The following FBXO34 variants were observed in gnomAD, a reference collection of about 807,000 sequenced individuals.
FBXO34 encodes the protein F-box protein 34.
In FBXO34, 12 loss-of-function variants were observed where a neutral mutation model predicts 24.5. The ratio of observed to expected loss-of-function variants is 0.49; its 90% confidence interval spans 0.31 to 0.79. The LOEUF (loss-of-function observed/expected upper bound fraction) is 0.79. Among genes scored for constraint, FBXO34 ranks in the 30% least tolerant of loss-of-function variants. The pLI, the probability that FBXO34 is intolerant of heterozygous loss-of-function variation, is 0.04. For missense variants in FBXO34, 823 were observed against 857.7 expected, an observed-to-expected ratio of 0.96 and a Z score of 0.51; for synonymous variants, 320 against 311.9, an observed-to-expected ratio of 1.03 and a Z score of -0.27.
rs148947580 is a variant in FBXO34, at chr14:55,310,880, C to T, written c.-11+39343C>T. Among the ~76,000 whole-genome samples, 96 of 152,062 alleles carry T rather than the reference C, an allele frequency of 6.3e-4. 3 individuals carry two copies. In the East Asian group the frequency reaches 0.018, roughly 28 times the overall value. On this transcript the variant is annotated intron_variant, in intron 1 of 1. Coordinates refer to ENST00000313833, the MANE Select transcript of FBXO34 (RefSeq NM_017943.4). ...ATGTGATAGCGTTTTCTTATCTGAA[C>T]TGTTTTATAAACTCTGACCACACTA...
chr14:55,315,382 A>G (rs1382119633), intron 1 of FBXO34, among the ~76,000 whole-genome samples: 5 of 152,116 alleles, frequency 3.3e-5, no homozygotes, highest in Non-Finnish European at 5.9e-5. Context: ...TACTGGTTTT[A>G]TGTATACCTG....
In FBXO34 at chr14:55,328,271, T is replaced by C. The variant is rs557386882; in HGVS notation, c.-10-22110T>C. ...CCATACCTGGCCGATGTTTTTTGTT[T>C]ATAAAGTCGAGAACTTTGATCTTTT... On this transcript the variant is annotated intron_variant, in intron 1 of 1. Transcript: ENST00000313833. Among the ~76,000 whole-genome samples, 2 of 152,278 alleles carry C rather than the reference T, an allele frequency of 1.3e-5. 1 individual carries two copies. Among genetic ancestry groups the C allele is most frequent in the African/African-American group, 4.8e-5 (2 of 41,560 alleles).
chr14:55,276,467 TTAAC>T (rs780526497), intron 1 of FBXO34, among the ~76,000 whole-genome samples: 44 of 152,344 alleles, frequency 2.9e-4, no homozygotes, highest in Admixed American at 6.5e-5. Flanking sequence ...ATGCCTATTA[TTAAC>T]TATTTGTTTA....
At chr14:55,354,804 C>A (rs895047403), downstream of FBXO34, among the ~76,000 whole-genome samples, 4 of 152,094 alleles carry the variant, frequency 2.6e-5, no homozygotes, top group Admixed American at 1.3e-4. Flanking sequence ...TTCAGGGCCC[C>A]CTAGTGCCAA....
chr14:55,373,985 G>C (rs1396795190), downstream of FBXO34, among the ~76,000 whole-genome samples: 1 of 152,082 alleles, frequency 6.6e-6, no homozygotes, highest in African/African-American at 2.4e-5. Flanking sequence ...CATAAACTTA[G>C]ATGTGACTCA....
chr14:55,415,034 G>A, the FBXO34 span, among the ~76,000 whole-genome samples: 3 of 152,186 alleles, frequency 2.0e-5, no homozygotes, highest in Non-Finnish European at 4.4e-5. Flanking sequence ...GAATTACAGG[G>A]ATAAAAACAT....
At chr14:55,380,982 T>C in the FBXO34 span, among the ~76,000 whole-genome samples, 12 of 149,902 alleles carry the variant, frequency 8.0e-5, no homozygotes, top group African/African-American at 1.2e-4. Flanking sequence ...GATAACGTAA[T>C]ATCAAAACAA....
intron 1 of FBXO34, among the ~76,000 whole-genome samples, chr14:55,343,688 G>A (rs990292365): frequency 2.0e-5 from 3 of 152,188 alleles, no homozygotes; most frequent in Non-Finnish European, 4.4e-5. Context: ...TGATAAGCAA[G>A]GCTGAAGACT....
At chr14:55,399,673 T>C in the FBXO34 span, among the ~76,000 whole-genome samples, 1 of 152,250 alleles carries the variant, frequency 6.6e-6, no homozygotes, top group African/African-American at 2.4e-5. Flanking sequence ...TTTACTTTTA[T>C]ATCAGTGAGA....
downstream of FBXO34, among the ~76,000 whole-genome samples, chr14:55,362,481 A>C (rs1190796381): frequency 3.9e-5 from 6 of 152,220 alleles, no homozygotes; most frequent in East Asian, 1.2e-3. Flanking sequence ...TCAATTTGTA[A>C]AAAACCCACG....
chr14:55,382,027 G>C, the FBXO34 span: 4 of 1,614,170 alleles, frequency 2.5e-6, no homozygotes, highest in Non-Finnish European at 3.4e-6. Flanking sequence ...CCCATTGTTA[G>C]GGAGGCTAAT....
At chr14:55,415,775 A>G in the FBXO34 span, among the ~76,000 whole-genome samples, 1 of 152,152 alleles carries the variant, frequency 6.6e-6, no homozygotes, top group Non-Finnish European at 1.5e-5. Context: ...CTGAGGCAGG[A>G]GAATTGCTTG....
At chr14:55,401,887 G>A in the FBXO34 span, among the ~76,000 whole-genome samples, 2 of 152,196 alleles carry the variant, frequency 1.3e-5, no homozygotes, top group Non-Finnish European at 1.5e-5. Flanking sequence ...TATGGAGGCA[G>A]AGAAAATTCT....
chr14:55,343,101 T>G (rs1188131436), intron 1 of FBXO34, among the ~76,000 whole-genome samples: 2 of 152,226 alleles, frequency 1.3e-5, no homozygotes, highest in African/African-American at 4.8e-5. Context: ...TGAAGAAGGC[T>G]GTCATAAGAT....
intron 1 of FBXO34, among the ~76,000 whole-genome samples, chr14:55,338,672 G>A (rs1263312076): frequency 6.6e-6 from 1 of 152,042 alleles, no homozygotes; most frequent in African/African-American, 2.4e-5. Context: ...ACTTTGGGAG[G>A]CCAAGGTGGG....
downstream of FBXO34, among the ~76,000 whole-genome samples, chr14:55,356,829 G>A (rs1197674197): frequency 6.6e-6 from 1 of 151,998 alleles, no homozygotes; most frequent in Non-Finnish European, 1.5e-5. Context: ...ACTCATTGCA[G>A]CTTCAACCTC....
intron 1 of FBXO34, among the ~76,000 whole-genome samples, chr14:55,320,345 C>T (rs1421432931): frequency 6.6e-6 from 1 of 152,162 alleles, no homozygotes; most frequent in Admixed American, 6.5e-5. Context: ...CTTTCTCAGC[C>T]TAGATGGGAA....
the FBXO34 span, among the ~76,000 whole-genome samples, chr14:55,392,315 T>C: frequency 1.3e-4 from 19 of 151,992 alleles, no homozygotes; most frequent in African/African-American, 4.3e-4. Flanking sequence ...GGCCTGGGGG[T>C]TGGGGACCCC....
chr14:55,382,270 GA>G, the FBXO34 span: 3 of 1,316,794 alleles, frequency 2.3e-6, no homozygotes, highest in South Asian at 3.7e-5. Flanking sequence ...AGACATGCTA[GA>G]ACATCGAAAA....
Sources: allele counts gnomAD v4.1 joint callset (sites outside exome capture counted in the v4.1 genomes callset), GRCh38; gene constraint gnomAD v4.1.1; transcripts MANE v1.5; gene names NCBI Gene and HGNC (gene_info 2026-07-23, HGNC 2026-07-21).